The following NIM1K variants were observed in gnomAD, a reference collection of about 807,000 sequenced individuals.
The protein encoded by NIM1K is serine/threonine-protein kinase NIM1.
Under a neutral mutation model 37.1 loss-of-function variants are expected in NIM1K, and 35 were observed. The observed-to-expected ratio is 0.94, with a 90% CI of 0.72 to 1.25. The LOEUF is 1.25. Among genes scored for constraint, NIM1K ranks in the 50% most tolerant of loss-of-function variants. The pLI is 0.00. For synonymous variants in NIM1K, 234 were observed against 206.6 expected (o/e 1.13, Z -1.14); for missense variants, 564 against 548.0 (o/e 1.03, Z -0.29).
At chr5:43,213,725 G>C (rs754957885) in intron 1 of NIM1K, among the ~76,000 whole-genome samples, 57 of 151,816 alleles carry the variant, frequency 3.8e-4, no homozygotes, top group Non-Finnish European at 6.8e-4. Context: ...TGAACTCCTG[G>C]CCTCAGGTGA....
intron 1 of NIM1K, among the ~76,000 whole-genome samples, chr5:43,199,945 G>A (rs768572467): frequency 1.3e-5 from 2 of 151,800 alleles, no homozygotes; most frequent in Admixed American, 6.6e-5. Flanking sequence ...GTGTGATCTC[G>A]GCTCACTGCA....
chr5:43,231,130 C>T (rs769646508), intron 1 of NIM1K, among the ~76,000 whole-genome samples: 2 of 152,094 alleles, frequency 1.3e-5, no homozygotes, highest in African/African-American at 2.4e-5. Context: ...CCAGCCTGGG[C>T]GACATAGTGA....
chr5:43,259,500 T>G (rs1315914335), intron 2 of NIM1K, among the ~76,000 whole-genome samples: 1 of 152,228 alleles, frequency 6.6e-6, no homozygotes, highest in Non-Finnish European at 1.5e-5. Context: ...GGTATCTCAC[T>G]GTGGTTTTAA....
intron 1 of NIM1K, among the ~76,000 whole-genome samples, chr5:43,229,406 A>C (rs1579967915): frequency 1.4e-5 from 2 of 140,094 alleles, no homozygotes; most frequent in East Asian, 4.4e-4. Context: ...AAAAAAAAAG[A>C]TTCTTTAATT....
At chr5:43,224,842 T>TCCA (rs748113745) in intron 1 of NIM1K, among the ~76,000 whole-genome samples, 117 of 152,106 alleles carry the variant, frequency 7.7e-4, no homozygotes, top group Admixed American at 2.0e-3. Flanking sequence ...ATTACAGGCG[T>TCCA]CCACCATCAC....
chr5:43,211,501 G>C (rs1342203857), intron 1 of NIM1K, among the ~76,000 whole-genome samples: 1 of 152,220 alleles, frequency 6.6e-6, no homozygotes, highest in African/African-American at 2.4e-5. Context: ...TGGGGACTGG[G>C]GGGAATGTCA....
chr5:43,199,765 G>A (rs6871636), intron 1 of NIM1K, among the ~76,000 whole-genome samples: 50,255 of 152,028 alleles, frequency 0.33, 8,744 homozygotes, highest in Non-Finnish European at 0.37. Context: ...TAGTAGTGAC[G>A]TTGAGTGAGC....
intron 1 of NIM1K, among the ~76,000 whole-genome samples, chr5:43,211,849 C>CT (rs534989322): frequency 4.0e-5 from 6 of 151,516 alleles, no homozygotes; most frequent in Non-Finnish European, 7.4e-5. Context: ...TAAAATTGAG[C>CT]TGGGAATAAA....
intron 1 of NIM1K, among the ~76,000 whole-genome samples, chr5:43,235,729 G>A (rs113949559): frequency 0.015 from 2,313 of 152,244 alleles, 36 homozygotes; most frequent in Non-Finnish European, 0.024. Context: ...TTGTTTGTGC[G>A]TGTGGTTTTA....
At position 43,196,472 on chromosome 5, in the gene NIM1K, C is replaced by CAA. The variant is rs35053237; in HGVS notation, c.-695+4073_-695+4074dup. 3.4e-3 allele frequency among the ~76,000 whole-genome samples: 475 copies of CAA among 141,670 alleles called. 1 individual carries two copies. The highest frequency in any genetic ancestry group is 5.1e-3 in the Non-Finnish European group (332 of 65,014). The allele number at this position is 141,670 out of a possible 152,430, so 92.9% of individuals were successfully genotyped here. A position where few individuals can be genotyped will look rare whatever the true frequency, so the allele number is the denominator to read the frequency against. ...TGAAACCCTGTCTCTACTAAATATA[C>CAA]AAAAAAAAAAAAATTAGCCAGGTGT... On this transcript the variant is annotated intron_variant, in intron 1 of 3. Coordinates refer to ENST00000326035, the MANE Select transcript of NIM1K (RefSeq NM_153361.4).
intron 1 of NIM1K, among the ~76,000 whole-genome samples, chr5:43,204,040 T>G (rs1169078002): frequency 2.1e-5 from 3 of 140,240 alleles, no homozygotes; most frequent in African/African-American, 7.8e-5. Flanking sequence ...AAAAAAAAAG[T>G]GGTGTAATTT....
chr5:43,239,725 C>A (rs1752669552), intron 1 of NIM1K, among the ~76,000 whole-genome samples: 1 of 152,004 alleles, frequency 6.6e-6, no homozygotes, highest in African/African-American at 2.4e-5. Context: ...CGGGGTTTCA[C>A]CATGTTGGCC....
chr5:43,213,546 T>G (rs915975481), intron 1 of NIM1K, among the ~76,000 whole-genome samples: 2 of 151,806 alleles, frequency 1.3e-5, no homozygotes, highest in Admixed American at 6.6e-5. Flanking sequence ...CAGGCTGGAG[T>G]GCCGTGGCAC....
intron 1 of NIM1K, among the ~76,000 whole-genome samples, chr5:43,199,203 AAATATATATATATATAT>A (rs1751980980): frequency 3.0e-5 from 3 of 100,938 alleles, no homozygotes; most frequent in Non-Finnish European, 6.0e-5. Flanking sequence ...AAAAAAAAAA[AAATATATATATATATAT>A]ATATATATAT....
intron 1 of NIM1K, among the ~76,000 whole-genome samples, chr5:43,212,181 G>A (rs1260204226): frequency 6.6e-6 from 1 of 152,108 alleles, no homozygotes; most frequent in Non-Finnish European, 1.5e-5. Context: ...GGATTGGGGT[G>A]GTGTGGAAGT....
intron 1 of NIM1K, among the ~76,000 whole-genome samples, chr5:43,243,615 A>C (rs1752735979): frequency 6.6e-6 from 1 of 152,164 alleles, no homozygotes; most frequent in Non-Finnish European, 1.5e-5. Flanking sequence ...AAAAGGAAGA[A>C]GAATCAGTGA....
intron 2 of NIM1K, among the ~76,000 whole-genome samples, chr5:43,262,593 C>G (rs947041293): frequency 2.0e-5 from 3 of 152,050 alleles, no homozygotes; most frequent in African/African-American, 7.2e-5. Flanking sequence ...ATTGAATAGC[C>G]TTTATTTCTT....
chr5:43,207,099 T>A, intron 1 of NIM1K: 2 of 720,790 alleles, frequency 2.8e-6, no homozygotes, highest in Non-Finnish European at 2.6e-6. Flanking sequence ...ATGACATAGA[T>A]TGAGGTGGTG....
chr5:43,213,668 AT>A (rs1428396838), intron 1 of NIM1K, among the ~76,000 whole-genome samples: 1 of 151,842 alleles, frequency 6.6e-6, no homozygotes, highest in East Asian at 1.9e-4. Context: ...TTATTTTTGT[AT>A]TTTTTTAGTA....
Sources: allele counts gnomAD v4.1 joint callset (sites outside exome capture counted in the v4.1 genomes callset), GRCh38; gene constraint gnomAD v4.1.1; transcripts MANE v1.5; gene names NCBI Gene and HGNC (gene_info 2026-07-23, HGNC 2026-07-21).